The following C7orf25 variants were observed in gnomAD, a reference collection of about 807,000 sequenced individuals.
C7orf25 encodes UPF0415 protein C7orf25.
In C7orf25, 14 loss-of-function variants were observed where a neutral mutation model predicts 25.5. That is an observed-to-expected ratio of 0.55 (90% CI 0.36 to 0.86). The LOEUF (loss-of-function observed/expected upper bound fraction) is 0.86. Among genes scored for constraint, C7orf25 ranks in the 40% least tolerant of loss-of-function variants. C7orf25 has a pLI of 0.01. For synonymous variants in C7orf25, 184 were observed against 179.9 expected, an observed-to-expected ratio of 1.02 and a Z score of -0.18; for missense variants, 405 against 493.9, an observed-to-expected ratio of 0.82 and a Z score of 1.71.
chr7:42,910,904 G>A lies in C7orf25; in HGVS notation c.-4C>T, dbSNP rs748250769. Reference sequence around the variant, plus strand: ...AGAGCATGGAATGTGCAGACATGCTGTCAGCATTATTCCTTTCCTAGGGAA... The same window carrying A: ...AGAGCATGGAATGTGCAGACATGCTATCAGCATTATTCCTTTCCTAGGGAA... On this transcript the variant is annotated 5_prime_UTR_variant, in exon 2 of 2. Coordinates refer to ENST00000350427, the MANE Select transcript of C7orf25 (RefSeq NM_001099858.2). 8.1e-5 allele frequency: 130 copies of A among 1,612,752 alleles called. No individual in the cohort carries two copies. Among genetic ancestry groups the A allele is most frequent in the Non-Finnish European group, 9.6e-5 (113 of 1,179,796 alleles).
At position 42,910,312 on chromosome 7, in the gene C7orf25, C is replaced by A. The variant is rs376421878; in HGVS notation, c.589G>T (p.Ala197Ser). 3.1e-6 allele frequency: 5 copies of A among 1,614,078 alleles called. No individual in the cohort carries two copies. Among genetic ancestry groups the A allele is most frequent in the Non-Finnish European group, 4.2e-6 (5 of 1,180,048 alleles). The change falls in exon 2 of 2, where the codon GCT becomes TCT. Residue 197 changes from alanine (A) to serine (S), a missense_variant. Transcript: ENST00000350427. The part of the protein sequence containing the change: ...SVRGDIVAVN[A>S]LLDHPEELQP... Reference sequence around the variant, plus strand: ...AGCTCTTCAGGGTGATCTAACAGAGCGTTGACTGCTACTATGTCTCCTCTC... The same window carrying A: ...AGCTCTTCAGGGTGATCTAACAGAGAGTTGACTGCTACTATGTCTCCTCTC...
rs988166887 is a variant in C7orf25, at chr7:42,911,935, G to A, written c.-42C>T. On this transcript the variant is annotated 5_prime_UTR_variant, in exon 1 of 2. Coordinates refer to ENST00000350427, the MANE Select transcript of C7orf25 (RefSeq NM_001099858.2). The stretch of plus-strand genomic sequence containing the variant: ...CTCACCGGCAGCGCCAGAACCGCGA[G>A]CGCGAGCACGCAGGCGCGTGCACGC... 6.8e-7 allele frequency: 1 copy of A among 1,481,226 alleles called. No homozygotes were observed. The highest frequency in any genetic ancestry group is 1.5e-5 in the African/African-American group (1 of 68,288). 91.8% of individuals were successfully genotyped at this position (1,481,226 alleles called of 1,614,324 possible).
chr7:42,911,646 C>T, intron 1 of C7orf25: 2 of 1,101,946 alleles, frequency 1.8e-6, no homozygotes, highest in South Asian at 4.5e-5. Flanking sequence ...GGCCCCAGCG[C>T]AGGTCGCCGG....
chr7:42,909,583 C>A lies in C7orf25; in HGVS notation c.*52G>T. On this transcript the variant is annotated 3_prime_UTR_variant, in exon 2 of 2. Transcript: ENST00000350427. ...TTCCCACCAGTTTAGATGGGAAGAC[C>A]CAGCCTTTGGTATAAATAACTTACT... The A allele has an allele frequency of 6.5e-7, 1 of 1,544,392 alleles. No homozygotes were observed. Among genetic ancestry groups the A allele is most frequent in the South Asian group, 1.3e-5 (1 of 77,962 alleles).
At chr7:42,911,847 C>T (rs1785912556) in intron 1 of C7orf25, 68 bp downstream of exon 1, 2 of 1,351,490 alleles carry the variant, frequency 1.5e-6, no homozygotes, top group African/African-American at 1.5e-5. Context: ...CGGCCCTGCC[C>T]AGCCCCCTCT....
Position 42,912,014 on chromosome 7 carries a change from A to T in C7orf25, c.-121T>A. 1 of 1,484,244 alleles carries T rather than the reference A, an allele frequency of 6.7e-7. No homozygotes were observed. Among genetic ancestry groups the T allele is most frequent in the Non-Finnish European group, 8.9e-7 (1 of 1,124,708 alleles). The allele number at this position is 1,484,244 out of a possible 1,614,324, so 91.9% of individuals were successfully genotyped here. On this transcript the variant is annotated 5_prime_UTR_variant, in exon 1 of 2. Transcript: ENST00000350427. ...ACCGGGCAGCCCCCACCCCGCTCGA[A>T]CGCCGAGGCGGCTCCACCCGCGCGA...
In C7orf25 at chr7:42,910,232, G is replaced by A. The variant is rs34504060; in HGVS notation, c.669C>T (p.Thr223=). The A allele has an allele frequency of 1.5e-5, 25 of 1,614,004 alleles. No homozygotes were observed. In the African/African-American group the frequency reaches 3.2e-4, roughly 21 times the overall value. The change falls in exon 2 of 2, where the codon ACC becomes ACT. Residue 223 remains threonine, a synonymous_variant. Coordinates refer to ENST00000350427, the MANE Select transcript of C7orf25 (RefSeq NM_001099858.2). ...CTAGTATATTTTCTCGGTCAACTCT[G>A]GTCACCTGCAAAAGTTCAGGGCCCT... ...DDEGPELLQV[T]RVDRENILAS...
chr7:42,912,053 G>T lies in C7orf25; in HGVS notation c.-160C>A. On this transcript the variant is annotated 5_prime_UTR_variant, in exon 1 of 2. Transcript: ENST00000350427. ...CCACCCGCGCGAGCCCCGCCGCCTC[G>T]GGCACCTCCTGCATCACGTGGTTCC... 6.9e-7 allele frequency: 1 copy of T among 1,455,236 alleles called. No homozygotes were observed. The allele number at this position is 1,455,236 out of a possible 1,614,324, so 90.1% of individuals were successfully genotyped here.
At chr7:42,911,000 C>A (rs754338738) in intron 1 of C7orf25, 79 bp from the exon 2 acceptor site, 1 of 1,594,838 alleles carries the variant, frequency 6.3e-7, no homozygotes, top group South Asian at 1.1e-5. Flanking sequence ...TTAAAAACTT[C>A]AATCTAGCAA....
At position 42,910,532 on chromosome 7, in the gene C7orf25, C is replaced by A; in HGVS notation, c.369G>T (p.Lys123Asn). ...GHTWVKAIGR[K>N]AEALHNIWLG... ...GCCAGATGTTATGAAGAGCTTCAGC[C>A]TTCCGGCCAATGGCTTTCACCCAAG... is the stretch of plus-strand genomic sequence containing the variant. Residue 123 changes from lysine to asparagine, a missense_variant, in exon 2 of 2, where the codon AAG (lysine) becomes AAT (asparagine). Physicochemically the swap from Lys to Asn is moderately conservative, Grantham distance 94. Transcript: ENST00000350427. The A allele has an allele frequency of 7.4e-6, 12 of 1,614,258 alleles. No homozygotes were observed. Among genetic ancestry groups the A allele is most frequent in the Non-Finnish European group, 1.0e-5 (12 of 1,180,052 alleles).
intron 1 of C7orf25, 28 bp downstream of exon 1, chr7:42,911,887 C>A: frequency 7.0e-7 from 1 of 1,422,232 alleles, no homozygotes; most frequent in Non-Finnish European, 9.1e-7. Flanking sequence ...CGCTCCCAGC[C>A]TCCCCGCCTC....
In C7orf25 at chr7:42,910,211, T is replaced by C. The variant is rs755029897; in HGVS notation, c.690A>G (p.Ile230Met). 7 of 1,614,254 alleles carry C rather than the reference T, an allele frequency of 4.3e-6. No individual in the cohort carries two copies. The highest frequency in any genetic ancestry group is 5.9e-6 in the Non-Finnish European group (7 of 1,180,046). ...CTGTTGGAAACGCAACACTTGCTAG[T>C]ATATTTTCTCGGTCAACTCTGGTCA... ...LQVTRVDREN[I>M]LASVAFPTEI... Residue 230 changes from isoleucine to methionine, a missense_variant, in exon 2 of 2, where the codon ATA becomes ATG. By Grantham distance (10) the Ile-to-Met change is conservative. Transcript: ENST00000350427.
chr7:42,909,547 A>G lies in C7orf25; in HGVS notation c.*88T>C. The G allele has an allele frequency of 8.6e-6, 12 of 1,400,252 alleles. No individual in the cohort carries two copies. Among genetic ancestry groups the G allele is most frequent in the Non-Finnish European group, 1.2e-5 (12 of 1,033,666 alleles). The allele number at this position is 1,400,252 out of a possible 1,614,324, so 86.7% of individuals were successfully genotyped here. ...AAGAGTTCTCAGTTTTACTTTTACTATAGACCTTTTTTCCCACCAGTTTAG... is the reference window on the plus strand; with the variant it reads ...AAGAGTTCTCAGTTTTACTTTTACTGTAGACCTTTTTTCCCACCAGTTTAG... On this transcript the variant is annotated 3_prime_UTR_variant, in exon 2 of 2. Transcript: ENST00000350427.
At chr7:42,911,219 T>A in intron 1 of C7orf25, 1 of 591,770 alleles carries the variant, frequency 1.7e-6, no homozygotes, top group South Asian at 1.9e-5. Flanking sequence ...ATGCAAGAGT[T>A]GGGCAATCTG....
intron 1 of C7orf25, chr7:42,911,558 A>C (rs1583600591): frequency 5.0e-6 from 5 of 1,008,554 alleles, no homozygotes; most frequent in Non-Finnish European, 5.9e-6. Context: ...CTTGCGTCCC[A>C]CTCCCACTCC....
Position 42,910,272 on chromosome 7 carries a change from C to T in C7orf25, c.629G>A (p.Ser210Asn), listed in dbSNP as rs1462951153. ...DHPEELQPSE[S>N]ESDDEGPELL... ...TTCAGGGCCCTCATCATCTGATTCACTCTCACTTGGTTGAAGCTCTTCAGG... is the reference window on the plus strand; with the variant it reads ...TTCAGGGCCCTCATCATCTGATTCATTCTCACTTGGTTGAAGCTCTTCAGG... The change falls in exon 2 of 2, where the codon AGT becomes AAT. Residue 210 changes from serine to asparagine, a missense_variant. By Grantham distance (46) the Ser-to-Asn change is conservative (BLOSUM62 1). Transcript: ENST00000350427. 1 of 1,614,110 alleles carries T rather than the reference C, an allele frequency of 6.2e-7. No homozygotes were observed. The highest frequency in any genetic ancestry group is 8.5e-7 in the Non-Finnish European group (1 of 1,180,056).
At chr7:42,911,893 G>T in intron 1 of C7orf25, 22 bp downstream of exon 1, 1 of 1,426,986 alleles carries the variant, frequency 7.0e-7, no homozygotes, top group Non-Finnish European at 9.1e-7. Flanking sequence ...CAGCCTCCCC[G>T]CCTCGCTCCC....
intron 1 of C7orf25, chr7:42,911,586 C>A (rs887193366): frequency 9.7e-7 from 1 of 1,027,292 alleles, no homozygotes; most frequent in African/African-American, 1.7e-5. Flanking sequence ...AAGGAAAATC[C>A]GAAGATGAAA....
At chr7:42,911,438 A>G (rs1785892496) in intron 1 of C7orf25, 4 of 1,007,064 alleles carry the variant, frequency 4.0e-6, no homozygotes, top group South Asian at 4.0e-5. Flanking sequence ...CGGCTGCCTC[A>G]TGATTTCCCC....
Sources: gnomAD v4.1 joint callset for allele counts on GRCh38, gnomAD v4.1.1 for gene constraint, MANE v1.5 for transcripts, NCBI Gene and HGNC (gene_info 2026-07-23, HGNC 2026-07-21) for gene names.